Variants in ARL14EP observed in about 807,000 individuals in gnomAD.
ARL14EP encodes ARL14 effector protein.
A neutral mutation model predicts 23.1 loss-of-function variants in ARL14EP; 12 were observed. That is an observed-to-expected ratio of 0.52 (90% confidence interval 0.33 to 0.84). The LOEUF (loss-of-function observed/expected upper bound fraction) is 0.84. ARL14EP is among the 40% of genes least tolerant of loss of function. The pLI, the probability that ARL14EP is intolerant of heterozygous loss-of-function variation, is 0.02. For synonymous variants in ARL14EP, 97 were observed against 102.0 expected (o/e 0.95, Z 0.29); for missense variants, 253 against 307.3 (o/e 0.82, Z 1.32).
chr11:30,335,906 ATT>A (rs1157975038), intron 3 of ARL14EP, among the ~76,000 whole-genome samples: 1 of 152,142 alleles, frequency 6.6e-6, no homozygotes, highest in Non-Finnish European at 1.5e-5. Flanking sequence ...AGGTAATTAC[ATT>A]TTATGAGAAT....
Position 30,330,977 on chromosome 11 carries a change from A to T in ARL14EP, c.29A>T (p.Gln10Leu). The change falls in exon 2 of 4, where the codon CAG becomes CTG. Residue 10 changes from glutamine to leucine, a missense_variant. Gln to Leu is a moderately radical substitution (Grantham distance 113, BLOSUM62 -2). Transcript: ENST00000282032. The part of the protein sequence containing the change: MMDPCSVGV[Q>L]LRTTNECHKT... ...ATGGATCCATGTTCAGTTGGAGTCCAGCTTCGTACTACAAATGAGTGCCAT... is the reference window on the plus strand; with the variant it reads ...ATGGATCCATGTTCAGTTGGAGTCCTGCTTCGTACTACAAATGAGTGCCAT... The T allele has an allele frequency of 2.5e-6, 4 of 1,613,844 alleles. No homozygotes were observed. Among genetic ancestry groups the T allele is most frequent in the Non-Finnish European group, 3.4e-6 (4 of 1,179,768 alleles).
At chr11:30,325,129 A>G (rs1947227342) in intron 1 of ARL14EP, among the ~76,000 whole-genome samples, 2 of 152,244 alleles carry the variant, frequency 1.3e-5, no homozygotes, top group South Asian at 2.1e-4. Flanking sequence ...GAACTGTGCT[A>G]GAAAGTTTTG....
chr11:30,336,245 G>T (rs1012393856), intron 3 of ARL14EP, among the ~76,000 whole-genome samples: 5 of 152,108 alleles, frequency 3.3e-5, no homozygotes, highest in African/African-American at 1.2e-4. Flanking sequence ...CAGTGAAGAG[G>T]TTGGTAGCTA....
At chr11:30,330,477 A>G (rs1020202072) in intron 1 of ARL14EP, 1 of 156,840 alleles carries the variant, frequency 6.4e-6, no homozygotes, top group Non-Finnish European at 1.4e-5. Context: ...TTGCAGTTTG[A>G]TAATTTTCTC....
chr11:30,334,363 G>T (rs937873454), intron 3 of ARL14EP, among the ~76,000 whole-genome samples: 1 of 151,796 alleles, frequency 6.6e-6, no homozygotes, highest in Non-Finnish European at 1.5e-5. Context: ...CTACAGGCAC[G>T]TGCCACCACA....
intron 2 of ARL14EP, among the ~76,000 whole-genome samples, 172 bp from the exon 3 acceptor site, chr11:30,332,694 G>A (rs1484642052): frequency 6.6e-6 from 1 of 152,104 alleles, no homozygotes; most frequent in Non-Finnish European, 1.5e-5. Flanking sequence ...TTTGAATATG[G>A]TCTAGGGCCA....
At chr11:30,326,059 TCTC>T (rs570635715) in intron 1 of ARL14EP, among the ~76,000 whole-genome samples, 17 of 152,262 alleles carry the variant, frequency 1.1e-4, no homozygotes, top group South Asian at 4.1e-4. Context: ...CGAATTTAAA[TCTC>T]CTCTCCCTCA....
chr11:30,328,267 C>G (rs1947256829), intron 1 of ARL14EP: 1 of 152,016 alleles, frequency 6.6e-6, no homozygotes, highest in Non-Finnish European at 1.5e-5. Flanking sequence ...GCCTCAACCT[C>G]CCATATAGCT....
chr11:30,333,250 T>C (rs1947299681), intron 3 of ARL14EP, among the ~76,000 whole-genome samples: 1 of 152,218 alleles, frequency 6.6e-6, no homozygotes, highest in Non-Finnish European at 1.5e-5. Flanking sequence ...TAATTACAAT[T>C]AAAGTAATTC....
intron 3 of ARL14EP, among the ~76,000 whole-genome samples, chr11:30,334,863 G>A (rs1260175587): frequency 6.6e-6 from 1 of 152,196 alleles, no homozygotes; most frequent in Non-Finnish European, 1.5e-5. Flanking sequence ...TGATCACTCA[G>A]GAGCTCTGAT....
At chr11:30,334,315 A>AAG (rs1264322685) in intron 3 of ARL14EP, among the ~76,000 whole-genome samples, 1 of 148,086 alleles carries the variant, frequency 6.8e-6, no homozygotes, top group African/African-American at 2.5e-5. Context: ...TGCTGCGTTC[A>AAG]AGCGATTCTT....
intron 3 of ARL14EP, 37 bp downstream of exon 3, chr11:30,333,030 G>A (rs1322445204): frequency 1.2e-6 from 2 of 1,608,862 alleles, no homozygotes; most frequent in Non-Finnish European, 1.7e-6. Flanking sequence ...TTAACTTGCT[G>A]CTTCACATCT....
intron 1 of ARL14EP, among the ~76,000 whole-genome samples, chr11:30,327,802 C>CAAAAAAAAAA (rs369601355): frequency 1.1e-4 from 13 of 115,188 alleles, no homozygotes; most frequent in Non-Finnish European, 1.4e-4. Context: ...ACTAAAAATA[C>CAAAAAAAAAA]AAAAAAAAAA....
intron 1 of ARL14EP, among the ~76,000 whole-genome samples, chr11:30,323,656 A>G (rs1401455257): frequency 6.6e-6 from 1 of 152,228 alleles, no homozygotes; most frequent in Non-Finnish European, 1.5e-5. Context: ...TGAACTTAGT[A>G]GGTGCCCACT....
rs1947313401 is a variant in ARL14EP at position 30,334,246 on chromosome 11, TGCTCTG to T, written c.554+1254_554+1259del. 3.5e-5 allele frequency among the ~76,000 whole-genome samples: 5 copies of T among 144,214 alleles called. No individual in the cohort carries two copies. In the Admixed American group the frequency reaches 3.6e-4, roughly 10 times the overall value. The allele number at this position is 144,214 out of a possible 152,430, so 94.6% of individuals were successfully genotyped here. A position where few individuals can be genotyped will look rare whatever the true frequency, so the allele number is the denominator to read the frequency against. Reference sequence around the variant, plus strand: ...TTTTTTTTTTTTTGAGATGGAGTCTTGCTCTGTCACCCAGCCTGAGGTGCAGTGGCG... The same window carrying T: ...TTTTTTTTTTTTTGAGATGGAGTCTTTCACCCAGCCTGAGGTGCAGTGGCG... On this transcript the variant is annotated intron_variant, in intron 3 of 3. Transcript: ENST00000282032.
At chr11:30,336,536 G>T in intron 3 of ARL14EP, 31 bp from the exon 4 acceptor site, 10 of 1,461,250 alleles carry the variant, frequency 6.8e-6, no homozygotes, top group Non-Finnish European at 9.6e-6. Flanking sequence ...ACATATTTAT[G>T]AGGTATAATT....
Position 30,334,575 on chromosome 11 carries a change from A to G in ARL14EP, c.554+1582A>G, listed in dbSNP as rs1302382184. ...TCATAGCTAGAGAGGGGAAGTCTAT[A>G]CCTGGCTTCAAATCTTCAAAGGACA... On this transcript the variant is annotated intron_variant, in intron 3 of 3. Transcript: ENST00000282032. Among the ~76,000 whole-genome samples the G allele has an allele frequency of 2.0e-5, 3 of 152,206 alleles. 1 individual carries two copies. The South Asian group carries it at 6.2e-4, about 32-fold the overall frequency.
intron 3 of ARL14EP, among the ~76,000 whole-genome samples, chr11:30,335,237 C>T (rs973659501): frequency 6.6e-6 from 1 of 152,204 alleles, no homozygotes; most frequent in Non-Finnish European, 1.5e-5. Context: ...TGTGATAAAA[C>T]TTGAATGGAT....
rs144998106 is a variant in ARL14EP, at chr11:30,332,965, A to G, written c.526A>G (p.Thr176Ala). Residue 176 changes from threonine (T) to alanine (A), a missense_variant, in exon 3 of 4, where the codon ACA becomes GCA. Coordinates refer to ENST00000282032, the MANE Select transcript of ARL14EP (RefSeq NM_152316.3). ...ETGKREKRRL[T>A]KNATAGSDRQ... The stretch of plus-strand genomic sequence containing the variant: ...TGGTAAAAGAGAAAAAAGAAGGCTT[A>G]CAAAAAATGCAACCGCTGGTTCAGA... 2 of 1,613,380 alleles carry G rather than the reference A, an allele frequency of 1.2e-6. No individual in the cohort carries two copies. Among genetic ancestry groups the G allele is most frequent in the African/African-American group, 1.3e-5 (1 of 74,946 alleles).
Sources: gnomAD v4.1 joint callset for allele counts (sites outside exome capture counted in the v4.1 genomes callset) on GRCh38, gnomAD v4.1.1 for gene constraint, MANE v1.5 for transcripts, NCBI Gene and HGNC (gene_info 2026-07-23, HGNC 2026-07-21) for gene names.